The following FHIP1A variants were observed in gnomAD, a reference collection of about 807,000 sequenced individuals.
The protein encoded by FHIP1A is FHF complex subunit HOOK-interacting protein 1A.
In FHIP1A, 61 loss-of-function variants were observed where a neutral mutation model predicts 88.6. The ratio of observed to expected loss-of-function variants is 0.69; its 90% confidence interval spans 0.56 to 0.85. FHIP1A has a LOEUF of 0.85. Ranked by LOEUF, FHIP1A falls within the 40% of genes least tolerant of loss-of-function variation. FHIP1A has a pLI of 0.00. For missense variants in FHIP1A, 1,154 were observed against 1,273.5 expected (o/e 0.91, Z 1.43); for synonymous variants, 478 against 496.0 (o/e 0.96, Z 0.48).
chr4:151,605,385 T>A (rs1301917952), intron 7 of FHIP1A, among the ~76,000 whole-genome samples: 1 of 152,106 alleles, frequency 6.6e-6, no homozygotes, highest in Non-Finnish European at 1.5e-5. Flanking sequence ...GGGAAGATAA[T>A]TACATACCAT....
At position 151,656,157 on chromosome 4, in the gene FHIP1A, G is replaced by C. The variant is rs887327134; in HGVS notation, c.2552-75G>C. 1.6e-6 allele frequency: 2 copies of C among 1,223,914 alleles called. No homozygotes were observed. Among genetic ancestry groups the C allele is most frequent in the African/African-American group, 3.0e-5 (2 of 66,754 alleles). The allele number at this position is 1,223,914 out of a possible 1,614,324, so 75.8% of individuals were successfully genotyped here. ...ATGGTGGTTTGGGAGATGTGGCACCGATGGTTCTGCAATTGTCAGGGAAAG... is the reference window on the plus strand; with the variant it reads ...ATGGTGGTTTGGGAGATGTGGCACCCATGGTTCTGCAATTGTCAGGGAAAG... On this transcript the variant is annotated intron_variant, in intron 11 of 13. Coordinates refer to ENST00000435205, the MANE Select transcript of FHIP1A (RefSeq NM_001109977.3). The surrounding 1 kb of genome is among the most constrained non-coding windows in gnomAD (Gnocchi z 4.2).
intron 2 of FHIP1A, among the ~76,000 whole-genome samples, chr4:151,474,216 A>G (rs1311066061): frequency 6.6e-6 from 1 of 152,178 alleles, no homozygotes. Flanking sequence ...GAAATGTTGG[A>G]AAATGATTTT....
intron 7 of FHIP1A, among the ~76,000 whole-genome samples, chr4:151,597,481 G>A (rs1347411827): frequency 6.6e-6 from 1 of 152,172 alleles, no homozygotes; most frequent in African/African-American, 2.4e-5. Context: ...GCTGGGAGGT[G>A]TCTCCCTGTC....
chr4:151,480,142 C>A (rs900529817), intron 2 of FHIP1A, among the ~76,000 whole-genome samples: 1 of 151,990 alleles, frequency 6.6e-6, no homozygotes, highest in African/African-American at 2.4e-5. Flanking sequence ...TACTTGAATT[C>A]CACTTAACCT....
chr4:151,583,764 C>G (rs1489089549), intron 5 of FHIP1A, among the ~76,000 whole-genome samples: 1 of 152,190 alleles, frequency 6.6e-6, no homozygotes, highest in Non-Finnish European at 1.5e-5. Flanking sequence ...GATTAGATTT[C>G]TCTTCGAGGA....
intron 1 of FHIP1A, among the ~76,000 whole-genome samples, chr4:151,426,286 A>G (rs976135431): frequency 2.0e-5 from 3 of 152,182 alleles, no homozygotes; most frequent in Non-Finnish European, 4.4e-5. Context: ...AAGATTCTTT[A>G]GTAATCATTT....
chr4:151,478,905 TGTG>T (rs1187516062), intron 2 of FHIP1A, among the ~76,000 whole-genome samples: 2 of 152,252 alleles, frequency 1.3e-5, no homozygotes, highest in African/African-American at 4.8e-5. Flanking sequence ...CTAAGATACT[TGTG>T]GTCTCTGCCT....
At chr4:151,466,168 G>A (rs1433182451) in intron 2 of FHIP1A, among the ~76,000 whole-genome samples, 5 of 152,120 alleles carry the variant, frequency 3.3e-5, no homozygotes, top group Non-Finnish European at 7.4e-5. Context: ...AAAATCACAA[G>A]CATTTGTAGA....
chr4:151,649,649 C>T lies in FHIP1A; in HGVS notation c.1608C>T (p.Leu536=). 6.4e-7 allele frequency: 1 copy of T among 1,551,628 alleles called. No individual in the cohort carries two copies. The highest frequency in any genetic ancestry group is 8.7e-7 in the Non-Finnish European group (1 of 1,146,970). ...DGDSPDPEMF[L]QSLTEEGSVS... is the part of the protein sequence containing the mutation. ...ACTCCCCCGACCCTGAGATGTTTCT[C>T]CAGAGTCTGACGGAGGAGGGCAGTG... is the stretch of plus-strand genomic sequence containing the variant. The change falls in exon 11 of 14, where the codon CTC becomes CTT. Residue 536 remains leucine (L), a synonymous_variant. Transcript: ENST00000435205.
At chr4:151,447,562 T>C (rs556743276) in intron 1 of FHIP1A, among the ~76,000 whole-genome samples, 51 of 152,294 alleles carry the variant, frequency 3.3e-4, no homozygotes, top group African/African-American at 1.2e-3. Context: ...ATCATTTATA[T>C]TGTTTATTTT....
At chr4:151,590,360 A>G (rs1158115987) in intron 7 of FHIP1A, among the ~76,000 whole-genome samples, 1 of 152,194 alleles carries the variant, frequency 6.6e-6, no homozygotes, top group Non-Finnish European at 1.5e-5. Context: ...ATTTTATGTT[A>G]TTATGATTAG....
chr4:151,603,838 T>G (rs1162649301), intron 7 of FHIP1A, among the ~76,000 whole-genome samples: 3 of 152,234 alleles, frequency 2.0e-5, no homozygotes, highest in African/African-American at 7.2e-5. Flanking sequence ...TTTTTGTTTC[T>G]TCTCCCAATA....
At chr4:151,547,873 C>T (rs1325223150) in intron 3 of FHIP1A, among the ~76,000 whole-genome samples, 1 of 151,646 alleles carries the variant, frequency 6.6e-6, no homozygotes, top group African/African-American at 2.4e-5. Context: ...GAAATTGCAC[C>T]ACTGCACTCC....
At chr4:151,601,320 G>A (rs1276603324) in intron 7 of FHIP1A, among the ~76,000 whole-genome samples, 22 of 152,034 alleles carry the variant, frequency 1.4e-4, no homozygotes, top group Non-Finnish European at 1.5e-5. Context: ...TGGAAAAGGT[G>A]GAGAGTAGAT....
At chr4:151,438,596 G>A (rs1039950889) in intron 1 of FHIP1A, among the ~76,000 whole-genome samples, 5 of 125,848 alleles carry the variant, frequency 4.0e-5, no homozygotes, top group Middle Eastern at 4.0e-3. Flanking sequence ...AAGTAATTGC[G>A]GTTTTTGCCT....
intron 7 of FHIP1A, among the ~76,000 whole-genome samples, chr4:151,606,877 T>C (rs1440627993): frequency 6.6e-6 from 1 of 152,222 alleles, no homozygotes; most frequent in Non-Finnish European, 1.5e-5. Context: ...CACAGACTGC[T>C]GGTCTGGTAA....
intron 3 of FHIP1A, among the ~76,000 whole-genome samples, chr4:151,498,679 G>A (rs1158329644): frequency 6.6e-6 from 1 of 152,170 alleles, no homozygotes; most frequent in Non-Finnish European, 1.5e-5. Flanking sequence ...GCCGCGCATG[G>A]TGGTGGGTGC....
At chr4:151,628,048 G>C (rs761575779) in intron 7 of FHIP1A, among the ~76,000 whole-genome samples, 9 of 152,166 alleles carry the variant, frequency 5.9e-5, no homozygotes, top group Non-Finnish European at 8.8e-5. Flanking sequence ...ACTCTTCCCA[G>C]TGCAATTTAT....
chr4:151,523,688 G>A (rs1177990514), intron 3 of FHIP1A, among the ~76,000 whole-genome samples: 1 of 152,164 alleles, frequency 6.6e-6, no homozygotes, highest in East Asian at 1.9e-4. Context: ...TTGTCTTTGA[G>A]TTTCTCCTTT....
Sources: allele counts gnomAD v4.1 joint callset (sites outside exome capture counted in the v4.1 genomes callset), GRCh38; gene constraint gnomAD v4.1.1; non-coding constraint Gnocchi (gnomAD v3.1); transcripts MANE v1.5; gene names NCBI Gene and HGNC (gene_info 2026-07-23, HGNC 2026-07-21).